The following CACNA1I variants were observed in gnomAD, a reference collection of about 807,000 sequenced individuals.
CACNA1I encodes voltage-dependent T-type calcium channel subunit alpha-1I.
CACNA1I carries 74 observed loss-of-function variants against 201.6 expected under a neutral mutation model. The observed-to-expected ratio is 0.37, with a 90% CI of 0.30 to 0.45. The LOEUF (loss-of-function observed/expected upper bound fraction) is 0.45, where lower values mean the gene tolerates loss of function less well. Ranked by LOEUF, CACNA1I falls within the 20% of genes least tolerant of loss-of-function variation. The pLI is 1.00. For missense variants in CACNA1I, 2,346 were observed against 3,138.1 expected (o/e 0.75, Z 6.03); for synonymous variants, 1,431 against 1,345.2 (o/e 1.06, Z -1.40).
Position 39,676,503 on chromosome 22 carries a change from G to A in CACNA1I, c.4855-838G>A, listed in dbSNP as rs1015935659. Reference sequence around the variant, plus strand: ...TATTTCATTTCTAGGGCAAGAATGTGTTTTAGCCTTATCTTATCCATAGCA... The same window carrying A: ...TATTTCATTTCTAGGGCAAGAATGTATTTTAGCCTTATCTTATCCATAGCA... On this transcript the variant is annotated intron_variant, in intron 29 of 36. Transcript: ENST00000402142. The surrounding 1 kb of genome is among the most constrained non-coding windows in gnomAD (Gnocchi z 4.8). 1.3e-5 allele frequency among the ~76,000 whole-genome samples: 2 copies of A among 152,192 alleles called. No individual in the cohort carries two copies.
At chr22:39,591,838 G>T (rs974024163) in intron 1 of CACNA1I, among the ~76,000 whole-genome samples, 2 of 152,250 alleles carry the variant, frequency 1.3e-5, no homozygotes, top group African/African-American at 4.8e-5. Flanking sequence ...GGGATCACAG[G>T]CATAAGCCAC....
chr22:39,625,572 A>G (rs1037861022), intron 4 of CACNA1I, among the ~76,000 whole-genome samples: 1 of 152,216 alleles, frequency 6.6e-6, no homozygotes, highest in African/African-American at 2.4e-5. Flanking sequence ...AGCGGGGGAC[A>G]TGGACATCAT....
chr22:39,596,497 T>TG (rs200408080), intron 1 of CACNA1I, among the ~76,000 whole-genome samples: 63 of 9,456 alleles, frequency 6.7e-3, no homozygotes, highest in South Asian at 0.01. Flanking sequence ...TGGAGAGAGA[T>TG]GGGGGGCAGG....
chr22:39,616,613 A>T (rs925032571), intron 3 of CACNA1I, among the ~76,000 whole-genome samples: 1 of 151,890 alleles, frequency 6.6e-6, no homozygotes, highest in Non-Finnish European at 1.5e-5. Flanking sequence ...AAAAATACAA[A>T]ATTAGCTGGG....
chr22:39,634,859 G>A, intron 5 of CACNA1I, 135 bp downstream of exon 5: 1 of 780,882 alleles, frequency 1.3e-6, no homozygotes, highest in Non-Finnish European at 2.0e-6. Flanking sequence ...GGAGGGGAAA[G>A]GGAAGTTAAG....
chr22:39,645,837 T>A (rs1417380986), intron 7 of CACNA1I, among the ~76,000 whole-genome samples: 1 of 152,170 alleles, frequency 6.6e-6, no homozygotes, highest in African/African-American at 2.4e-5. Flanking sequence ...GGATCCCCAA[T>A]GCCAACCAGG....
rs1035797799 is a variant in CACNA1I at position 39,649,198 on chromosome 22, G to T, written c.1568-303G>T. 1.3e-5 allele frequency among the ~76,000 whole-genome samples: 2 copies of T among 152,220 alleles called. No individual in the cohort carries two copies. The highest frequency in any genetic ancestry group is 2.9e-5 in the Non-Finnish European group (2 of 68,024). On this transcript the variant is annotated intron_variant, in intron 9 of 36. Coordinates refer to ENST00000402142, the MANE Select transcript of CACNA1I (RefSeq NM_021096.4). The surrounding 1 kb of genome is among the most constrained non-coding windows in gnomAD (Gnocchi z 7.3). ...CTGACCCAGGGCCTAGGCCAGGAGG[G>T]ATGGCCGGTCAGCACGGATGCGCGC...
chr22:39,686,125 C>A lies in CACNA1I; in HGVS notation c.6392C>A (p.Ser2131Ter). The A allele has an allele frequency of 7.9e-7, 1 of 1,263,638 alleles. No homozygotes were observed. The highest frequency in any genetic ancestry group is 2.8e-5 in the South Asian group (1 of 35,820). 78.3% of individuals were successfully genotyped at this position (1,263,638 alleles called of 1,614,324 possible). The change falls in exon 37 of 37, where the codon TCG (serine) becomes TAG (stop). Residue 2131 changes from serine (S) to a stop codon, truncating the protein, a stop_gained. Coordinates refer to ENST00000402142, the MANE Select transcript of CACNA1I (RefSeq NM_021096.4). LOFTEE classifies it low-confidence loss of function (END_TRUNC). ...CACTCGGAGACCCTCAGCAGCCTCT[C>A]GCTCACCTCCCTCTTCTGCCCGCCG... ...SEHSETLSSL[S>*]LTSLFCPPPP...
intron 8 of CACNA1I, 94 bp downstream of exon 8, chr22:39,646,975 T>C (rs1464713273): frequency 3.1e-5 from 45 of 1,432,020 alleles, no homozygotes; most frequent in Non-Finnish European, 3.9e-5. Flanking sequence ...GCCTCCAAAT[T>C]CCAGGTCTTC....
chr22:39,683,741 C>T (rs976867291), intron 35 of CACNA1I, among the ~76,000 whole-genome samples: 4 of 130,356 alleles, frequency 3.1e-5, no homozygotes, highest in Admixed American at 8.2e-5. Context: ...AGCCTTCAGA[C>T]CCCCCACCCC....
chr22:39,665,633 T>G lies in CACNA1I; in HGVS notation c.3978+9T>G. The G allele has an allele frequency of 1.2e-6, 2 of 1,613,220 alleles. No homozygotes were observed. Among genetic ancestry groups the G allele is most frequent in the Non-Finnish European group, 8.5e-7 (1 of 1,179,462 alleles). On this transcript the variant is annotated intron_variant, in intron 22 of 36. Transcript: ENST00000402142. The surrounding 1 kb of genome is among the most constrained non-coding windows in gnomAD (Gnocchi z 5.5). ...GCATCCTGGGAGTGCAGGTGAGGGG[T>G]GCCCAGTCTGGGCAGGGACTGGGCT... is the stretch of plus-strand genomic sequence containing the variant.
intron 28 of CACNA1I, among the ~76,000 whole-genome samples, chr22:39,673,632 A>G (rs1417203377): frequency 6.6e-6 from 1 of 152,146 alleles, no homozygotes; most frequent in African/African-American, 2.4e-5. Context: ...AAGAGAAGAG[A>G]TGTGGCCACT....
intron 1 of CACNA1I, among the ~76,000 whole-genome samples, chr22:39,573,971 C>T (rs953850816): frequency 1.4e-4 from 22 of 152,108 alleles, no homozygotes; most frequent in African/African-American, 2.9e-4. Flanking sequence ...AGGGTTCCCC[C>T]GGCATCCCCA....
chr22:39,642,918 G>T, intron 7 of CACNA1I, 29 bp downstream of exon 7: 1 of 1,472,622 alleles, frequency 6.8e-7, no homozygotes. Context: ...GGGCTCCTAG[G>T]TGTGCTCAGA....
chr22:39,575,920 G>GCA (rs1932330677), intron 1 of CACNA1I, among the ~76,000 whole-genome samples: 1 of 152,086 alleles, frequency 6.6e-6, no homozygotes, highest in Non-Finnish European at 1.5e-5. Context: ...AATTACAGAA[G>GCA]CGCACCACCA....
intron 1 of CACNA1I, among the ~76,000 whole-genome samples, chr22:39,578,479 C>T (rs557201940): frequency 2.0e-5 from 3 of 152,094 alleles, no homozygotes; most frequent in African/African-American, 7.2e-5. Context: ...CCTTGCCCCA[C>T]GTGACGACTG....
intron 3 of CACNA1I, among the ~76,000 whole-genome samples, chr22:39,613,842 T>C (rs141861358): frequency 1.5e-3 from 2 of 1,306 alleles, no homozygotes; most frequent in Non-Finnish European, 4.6e-3. Context: ...GGATCCCTTC[T>C]TTTTTTTTTT....
chr22:39,659,373 A>G lies in CACNA1I; in HGVS notation c.2331-60A>G. ...TTACTGAGTTGACTGAGAATGAAAC[A>G]AGGTGAGTAGGCAGTTTGGTGCATG... On this transcript the variant is annotated intron_variant, in intron 12 of 36. Coordinates refer to ENST00000402142, the MANE Select transcript of CACNA1I (RefSeq NM_021096.4). The surrounding 1 kb of genome is among the most constrained non-coding windows in gnomAD (Gnocchi z 4.3). 2 of 1,175,210 alleles carry G rather than the reference A, an allele frequency of 1.7e-6. No homozygotes were observed. The highest frequency in any genetic ancestry group is 2.6e-5 in the South Asian group (2 of 75,904). 72.8% of individuals were successfully genotyped at this position (1,175,210 alleles called of 1,614,324 possible). A position where few individuals can be genotyped will look rare whatever the true frequency, so the allele number is the denominator to read the frequency against.
chr22:39,599,114 A>G (rs1198668173), intron 2 of CACNA1I, among the ~76,000 whole-genome samples: 1 of 149,244 alleles, frequency 6.7e-6, no homozygotes, highest in African/African-American at 2.5e-5. Flanking sequence ...ACGCCTGGCT[A>G]ATTTTTTGTA....
Sources: gnomAD v4.1 joint callset for allele counts (sites outside exome capture counted in the v4.1 genomes callset) on GRCh38, gnomAD v4.1.1 for gene constraint, Gnocchi (gnomAD v3.1) non-coding constraint, MANE v1.5 for transcripts, NCBI Gene and HGNC (gene_info 2026-07-23, HGNC 2026-07-21) for gene names.